The following BCAS4 variants were observed in gnomAD, a reference collection of about 807,000 sequenced individuals.
BCAS4 encodes the protein breast carcinoma amplified sequence 4.
Under a neutral mutation model 15.7 loss-of-function variants are expected in BCAS4, and 9 were observed. That is an observed-to-expected ratio of 0.57 (90% CI 0.34 to 1.00). The LOEUF is 1.00. BCAS4 is among the 50% of genes least tolerant of loss of function. BCAS4 has a pLI of 0.02. For synonymous variants in BCAS4, 101 were observed against 99.5 expected (o/e 1.02, Z -0.09); for missense variants, 225 against 239.1 (o/e 0.94, Z 0.39).
intron 4 of BCAS4, among the ~76,000 whole-genome samples, chr20:50,853,984 G>T (rs1191171568): frequency 6.6e-6 from 1 of 152,112 alleles, no homozygotes; most frequent in Non-Finnish European, 1.5e-5. Context: ...GCTGTCCCCG[G>T]GGGCAAAATT....
chr20:50,839,081 G>C (rs1487095356), intron 3 of BCAS4, among the ~76,000 whole-genome samples: 6 of 152,176 alleles, frequency 3.9e-5, no homozygotes, highest in Non-Finnish European at 7.3e-5. Context: ...TATTGAAGGA[G>C]AGGCTTTCCC....
At chr20:50,862,150 C>A (rs190218889) in intron 4 of BCAS4, among the ~76,000 whole-genome samples, 2 of 152,150 alleles carry the variant, frequency 1.3e-5, no homozygotes, top group Admixed American at 1.3e-4. Context: ...ATTCTTTCCT[C>A]CTTATCCCTC....
rs114725801 is a variant in BCAS4, at chr20:50,818,084, G to A, written c.91-127G>A. 4.6e-4 allele frequency: 376 copies of A among 819,988 alleles called. 4 individuals carry two copies. In the African/African-American group the frequency reaches 5.5e-3, roughly 12 times the overall value. 50.8% of individuals were successfully genotyped at this position (819,988 alleles called of 1,614,324 possible). On this transcript the variant is annotated intron_variant, in intron 1 of 4. Coordinates refer to ENST00000371608, the MANE Select transcript of BCAS4 (RefSeq NM_198799.4). ...TGCTCTTTCAAAGGAGGCAGTGGAA[G>A]GGGGTCGAGCAGGAACCGGGCACAT... is the stretch of plus-strand genomic sequence containing the variant.
At chr20:50,804,976 G>A (rs924752199) in intron 1 of BCAS4, among the ~76,000 whole-genome samples, 8 of 152,018 alleles carry the variant, frequency 5.3e-5, no homozygotes, top group East Asian at 1.9e-4. Flanking sequence ...TCATTTCATC[G>A]CTTTCATCTT....
chr20:50,829,456 T>A (rs1235361563), intron 2 of BCAS4, among the ~76,000 whole-genome samples: 1 of 152,104 alleles, frequency 6.6e-6, no homozygotes, highest in Non-Finnish European at 1.5e-5. Context: ...TTGGCCAGGC[T>A]GGTCTCGAAC....
At chr20:50,850,785 T>TC (rs199604123) in intron 4 of BCAS4, among the ~76,000 whole-genome samples, 6,496 of 151,840 alleles carry the variant, frequency 0.043, 194 homozygotes, top group Non-Finnish European at 0.066. Flanking sequence ...TGTTTGAGTC[T>TC]CCCCCCCGGT....
Position 50,876,480 on chromosome 20 carries a change from T to C in BCAS4, c.400-6T>C, listed in dbSNP as rs1269478645. 1 of 1,612,554 alleles carries C rather than the reference T, an allele frequency of 6.2e-7. No individual in the cohort carries two copies. The highest frequency in any genetic ancestry group is 8.5e-7 in the Non-Finnish European group (1 of 1,179,490). Reference sequence around the variant, plus strand: ...GCTGATAGAGCTTCATTTCTTGTCATTCCAGAAGTCACCTGCACCGGTGCC... The same window carrying C: ...GCTGATAGAGCTTCATTTCTTGTCACTCCAGAAGTCACCTGCACCGGTGCC... On this transcript the variant is annotated splice_polypyrimidine_tract_variant and splice_region_variant and intron_variant, in intron 4 of 4. Transcript: ENST00000371608.
chr20:50,796,592 T>C (rs1346711189), intron 1 of BCAS4, among the ~76,000 whole-genome samples: 1 of 133,724 alleles, frequency 7.5e-6, no homozygotes, highest in Non-Finnish European at 1.5e-5. Context: ...CCTCCCAGGT[T>C]CAAGGAATTC....
intron 1 of BCAS4, among the ~76,000 whole-genome samples, chr20:50,795,467 G>C (rs1033895297): frequency 3.9e-5 from 6 of 152,148 alleles, no homozygotes; most frequent in Non-Finnish European, 8.8e-5. Flanking sequence ...GCCGGCCCTG[G>C]GAGAGGCGGA....
At position 50,795,089 on chromosome 20, in the gene BCAS4, G is replaced by A; in HGVS notation, c.6G>A (p.Leu2=). 10 of 1,504,610 alleles carry A rather than the reference G, an allele frequency of 6.6e-6. No homozygotes were observed. Among genetic ancestry groups the A allele is most frequent in the Non-Finnish European group, 8.9e-6 (10 of 1,128,032 alleles). 93.2% of individuals were successfully genotyped at this position (1,504,610 alleles called of 1,614,324 possible). ...CGGACCCCGTCGCCCTCCTGATGCT[G>A]CTCGTGGACGCTGATCAGCCGGAGC... M[L]LVDADQPEPM... is the part of the protein sequence containing the mutation. The change falls in exon 1 of 5, where the codon CTG becomes CTA. Residue 2 remains leucine, a synonymous_variant. Transcript: ENST00000371608.
chr20:50,797,277 A>T lies in BCAS4; in HGVS notation c.90+2104A>T, dbSNP rs78348876. Among the ~76,000 whole-genome samples, 1,398 of 152,330 alleles carry T rather than the reference A, an allele frequency of 9.2e-3. 14 individuals are homozygous for T. Among genetic ancestry groups the T allele is most frequent in the African/African-American group, 0.024 (1,008 of 41,570 alleles). On this transcript the variant is annotated intron_variant, in intron 1 of 4. Transcript: ENST00000371608. The stretch of plus-strand genomic sequence containing the variant: ...TATGGGGCTTCGTTTTGGTGTAATG[A>T]ACATGTTCTGGATGTTAGATAGTTG...
chr20:50,865,422 G>T (rs12479651), intron 4 of BCAS4, among the ~76,000 whole-genome samples: 8,531 of 152,246 alleles, frequency 0.056, 554 homozygotes, highest in African/African-American at 0.16. Context: ...TGCTGTCCCT[G>T]TGTGTGAGCT....
At chr20:50,799,457 A>G (rs986568997) in intron 1 of BCAS4, among the ~76,000 whole-genome samples, 2 of 152,186 alleles carry the variant, frequency 1.3e-5, no homozygotes, top group Non-Finnish European at 2.9e-5. Context: ...CCAGATCCCC[A>G]AGCTGGAACA....
At chr20:50,843,316 T>C (rs1162238662) in intron 4 of BCAS4, among the ~76,000 whole-genome samples, 1 of 152,208 alleles carries the variant, frequency 6.6e-6, no homozygotes, top group African/African-American at 2.4e-5. Context: ...CAGTAATTCA[T>C]TTATCTTTCC....
At chr20:50,812,809 A>T (rs1230957038) in intron 1 of BCAS4, among the ~76,000 whole-genome samples, 1 of 151,280 alleles carries the variant, frequency 6.6e-6, no homozygotes, top group South Asian at 2.1e-4. Flanking sequence ...TTTCTTTTTT[A>T]TTTATTTTTA....
intron 1 of BCAS4, among the ~76,000 whole-genome samples, chr20:50,807,064 G>A (rs1282623991): frequency 6.6e-6 from 1 of 151,816 alleles, no homozygotes; most frequent in Non-Finnish European, 1.5e-5. Context: ...TAGAGATGGG[G>A]TTTCACTATG....
At chr20:50,854,479 G>C (rs909027461) in intron 4 of BCAS4, among the ~76,000 whole-genome samples, 2 of 152,174 alleles carry the variant, frequency 1.3e-5, no homozygotes, top group Non-Finnish European at 2.9e-5. Flanking sequence ...CACCTGCTCA[G>C]CTGCTGTGTA....
chr20:50,814,102 C>T (rs1356162520), intron 1 of BCAS4, among the ~76,000 whole-genome samples: 1 of 152,104 alleles, frequency 6.6e-6, no homozygotes. Context: ...GCTGGCTTAT[C>T]CTGAGCGCCT....
chr20:50,876,382 C>A, intron 4 of BCAS4, 104 bp from the exon 5 acceptor site: 2 of 1,474,176 alleles, frequency 1.4e-6, no homozygotes, highest in South Asian at 1.3e-5. Flanking sequence ...AGTCTTTGGT[C>A]ATATGTGTGA....
Sources: allele counts gnomAD v4.1 joint callset (sites outside exome capture counted in the v4.1 genomes callset), GRCh38; gene constraint gnomAD v4.1.1; transcripts MANE v1.5; gene names NCBI Gene and HGNC (gene_info 2026-07-23, HGNC 2026-07-21).